Variants in RANBP2 observed in about 807,000 individuals in gnomAD.
The protein encoded by RANBP2 is E3 SUMO-protein ligase RanBP2.
In RANBP2, 57 loss-of-function variants were observed where a neutral mutation model predicts 303.6. The ratio of observed to expected loss-of-function variants is 0.19; its 90% CI spans 0.15 to 0.23. RANBP2 has a LOEUF of 0.23. Ranked by LOEUF, RANBP2 falls within the 10% of genes least tolerant of loss-of-function variation. The pLI, the probability that RANBP2 is intolerant of heterozygous loss-of-function variation, is 1.00. For missense variants in RANBP2, 3,138 were observed against 3,780.8 expected, an observed-to-expected ratio of 0.83 and a Z score of 4.46; for synonymous variants, 1,167 against 1,301.5, an observed-to-expected ratio of 0.90 and a Z score of 2.23.
the RANBP2 span, chr2:108,876,352 C>A: frequency 1.6e-6 from 1 of 615,878 alleles, no homozygotes; most frequent in South Asian, 3.7e-5. Flanking sequence ...TTATCAGTAG[C>A]ATCATTTATC....
rs397872027 is a variant in RANBP2, at chr2:108,741,811, C to CT, written c.975+1151dup. 5.6e-3 allele frequency among the ~76,000 whole-genome samples: 607 copies of CT among 108,932 alleles called. 2 individuals carry two copies. Among genetic ancestry groups the CT allele is most frequent in the Non-Finnish European group, 7.7e-3 (420 of 54,830 alleles). The allele number at this position is 108,932 out of a possible 152,430, so 71.5% of individuals were successfully genotyped here. On this transcript the variant is annotated intron_variant, in intron 7 of 28. Coordinates refer to ENST00000283195, the MANE Select transcript of RANBP2 (RefSeq NM_006267.5). ...ACAGGCGTGAGCCACCACACCCAGC[C>CT]TTTTTTTTTTTTTTTTTTTTTAATG...
the RANBP2 span, among the ~76,000 whole-genome samples, chr2:108,844,816 C>T: frequency 2.0e-5 from 3 of 149,984 alleles, no homozygotes; most frequent in Non-Finnish European, 3.0e-5. Context: ...GGCACGATCT[C>T]GGCTCACTGC....
At chr2:108,719,840 A>C (rs1295308844) in intron 1 of RANBP2, among the ~76,000 whole-genome samples, 162 bp downstream of exon 1, 1 of 152,076 alleles carries the variant, frequency 6.6e-6, no homozygotes, top group African/African-American at 2.4e-5. Context: ...TTGCAAGCGC[A>C]TGAAGAGTCC....
chr2:109,649,244 C>T, the RANBP2 span, among the ~76,000 whole-genome samples: 1 of 151,970 alleles, frequency 6.6e-6, no homozygotes, highest in Non-Finnish European at 1.5e-5. Context: ...GATTGCAAAA[C>T]TATAGTGGTT....
At chr2:109,328,959 G>GCCACGTCCTTCCTC in the RANBP2 span, among the ~76,000 whole-genome samples, 24 of 152,146 alleles carry the variant, frequency 1.6e-4, no homozygotes, top group African/African-American at 5.6e-4. Context: ...GACAAGCTTG[G>GCCACGTCCTTCCTC]CCACGTCCTT....
chr2:108,729,271 G>T, intron 2 of RANBP2, 72 bp downstream of exon 2: 4 of 1,447,204 alleles, frequency 2.8e-6, no homozygotes, highest in Non-Finnish European at 3.7e-6. Context: ...TTTGAAATAG[G>T]TAAAAATATG....
the RANBP2 span, among the ~76,000 whole-genome samples, chr2:109,335,125 G>A: frequency 3.9e-5 from 6 of 152,178 alleles, no homozygotes; most frequent in Non-Finnish European, 5.9e-5. Context: ...TCGTGTTTTC[G>A]GAGCAGATTC....
the RANBP2 span, among the ~76,000 whole-genome samples, chr2:108,858,329 G>GT: frequency 6.6e-6 from 1 of 152,128 alleles, no homozygotes; most frequent in African/African-American, 2.4e-5. Context: ...GGGTGCCAGA[G>GT]TAAGTCTCCG....
At chr2:108,923,247 A>T in the RANBP2 span, 2 of 956,294 alleles carry the variant, frequency 2.1e-6, no homozygotes, top group Non-Finnish European at 3.4e-6. Context: ...CACTTTCACT[A>T]GTGCTGTTAC....
chr2:109,008,468 C>T, the RANBP2 span, among the ~76,000 whole-genome samples: 1 of 152,098 alleles, frequency 6.6e-6, no homozygotes, highest in Non-Finnish European at 1.5e-5. Flanking sequence ...CAATTTTGCC[C>T]TTTCCTGTGA....
chr2:109,170,195 G>A, the RANBP2 span, among the ~76,000 whole-genome samples: 3 of 151,920 alleles, frequency 2.0e-5, no homozygotes, highest in African/African-American at 7.3e-5. Context: ...GCAGATGAAC[G>A]AGATGTTTTC....
At chr2:108,855,859 G>A in the RANBP2 span, among the ~76,000 whole-genome samples, 36 of 152,248 alleles carry the variant, frequency 2.4e-4, no homozygotes, top group East Asian at 6.0e-3. Context: ...TGATTCTGTT[G>A]TACTTTCAGT....
chr2:109,166,946 A>G, the RANBP2 span, among the ~76,000 whole-genome samples: 6 of 152,254 alleles, frequency 3.9e-5, no homozygotes, highest in Admixed American at 1.3e-4. Flanking sequence ...GCATCCATAA[A>G]TCTACCTTCT....
downstream of RANBP2, among the ~76,000 whole-genome samples, chr2:108,787,095 G>C (rs1223989422): frequency 6.6e-6 from 1 of 152,070 alleles, no homozygotes. Context: ...TGCGCTGCGG[G>C]GGTGCGGGGG....
the RANBP2 span, among the ~76,000 whole-genome samples, chr2:109,368,642 C>T: frequency 7.1e-6 from 1 of 141,238 alleles, no homozygotes; most frequent in Non-Finnish European, 1.5e-5. Flanking sequence ...TCTTATTTTT[C>T]TATTTATTTG....
chr2:109,234,693 A>ATCTC, the RANBP2 span, among the ~76,000 whole-genome samples: 2 of 152,246 alleles, frequency 1.3e-5, no homozygotes, highest in African/African-American at 4.8e-5. Flanking sequence ...GCTGATGAGA[A>ATCTC]GAGAGTGAGG....
chr2:109,202,034 G>T, the RANBP2 span, among the ~76,000 whole-genome samples: 1 of 152,232 alleles, frequency 6.6e-6, no homozygotes, highest in Admixed American at 6.5e-5. Context: ...CATTGTATTT[G>T]CCTTGGAGCC....
At chr2:108,748,132 C>T (rs1285391922) in intron 8 of RANBP2, among the ~76,000 whole-genome samples, 6 of 151,936 alleles carry the variant, frequency 3.9e-5, no homozygotes, top group African/African-American at 9.7e-5. Context: ...GTACTTTATC[C>T]GAGACTATGA....
At chr2:108,773,717 G>A (rs1022215877) in intron 23 of RANBP2, among the ~76,000 whole-genome samples, 1 of 151,304 alleles carries the variant, frequency 6.6e-6, no homozygotes, top group African/African-American at 2.4e-5. Context: ...GGCGATCTCT[G>A]CTCGCTGCAA....
Sources: allele counts gnomAD v4.1 joint callset (sites outside exome capture counted in the v4.1 genomes callset), GRCh38; gene constraint gnomAD v4.1.1; transcripts MANE v1.5; gene names NCBI Gene and HGNC (gene_info 2026-07-23, HGNC 2026-07-21).